ZCCHC14: variants seen among roughly 807,000 people sequenced by gnomAD.
ZCCHC14 encodes zinc finger CCHC-type containing 14, also known as zinc finger CCHC domain-containing protein 14.
ZCCHC14 carries 16 observed loss-of-function variants against 85.0 expected under a neutral mutation model. The observed-to-expected ratio is 0.19, with a 90% CI of 0.13 to 0.29. The LOEUF (loss-of-function observed/expected upper bound fraction) is 0.29. Ranked by LOEUF, ZCCHC14 falls within the 10% of genes least tolerant of loss-of-function variation. The pLI is 1.00. For missense variants in ZCCHC14, 1,303 were observed against 1,443.5 expected, an observed-to-expected ratio of 0.90 and a Z score of 1.58; for synonymous variants, 775 against 630.7, an observed-to-expected ratio of 1.23 and a Z score of -3.43.
Position 87,412,879 on chromosome 16 carries a change from G to A in ZCCHC14, c.1842C>T (p.Leu614=). 6.2e-7 allele frequency: 1 copy of A among 1,605,914 alleles called. No individual in the cohort carries two copies. Among genetic ancestry groups the A allele is most frequent in the Non-Finnish European group, 8.5e-7 (1 of 1,175,394 alleles). The change falls in exon 12 of 13, where the codon CTC becomes CTT. Residue 614 remains leucine, a synonymous_variant. Coordinates refer to ENST00000671377, the MANE Select transcript of ZCCHC14 (RefSeq NM_015144.3). Reference sequence around the variant, plus strand: ...TGGAGCTGGCCTCATTCTGCACAGGGAGAACCTGGGCCGTGGGTCTGGCGG... The same window carrying A: ...TGGAGCTGGCCTCATTCTGCACAGGAAGAACCTGGGCCGTGGGTCTGGCGG... The part of the protein sequence containing the change: ...SSSARPTAQV[L]PVQNEASSNP...
chr16:87,488,609 C>T (rs1165955495), intron 1 of ZCCHC14, among the ~76,000 whole-genome samples: 3 of 152,248 alleles, frequency 2.0e-5, no homozygotes, highest in African/African-American at 7.2e-5. Context: ...CACAGTCTCA[C>T]TCTGTCACCC....
At chr16:87,446,834 C>G (rs926890497) in intron 2 of ZCCHC14, among the ~76,000 whole-genome samples, 1 of 152,020 alleles carries the variant, frequency 6.6e-6, no homozygotes, top group Non-Finnish European at 1.5e-5. Context: ...CAGGCACACA[C>G]CACCATGCCT....
At chr16:87,437,023 T>G (rs757184947) in intron 2 of ZCCHC14, among the ~76,000 whole-genome samples, 17 of 152,094 alleles carry the variant, frequency 1.1e-4, no homozygotes, top group Non-Finnish European at 2.4e-4. Flanking sequence ...CACTGCCTTC[T>G]GTGGAGCGTA....
chr16:87,408,545 T>C lies in ZCCHC14; in HGVS notation c.*1735A>G, dbSNP rs1908302363. The C allele has an allele frequency of 6.6e-6, 1 of 152,636 alleles. No individual in the cohort carries two copies. The highest frequency in any genetic ancestry group is 6.5e-5 in the Admixed American group (1 of 15,290). The allele number at this position is 152,636 out of a possible 1,614,324, so 9.5% of individuals were successfully genotyped here. ...AACGTAACATTCCCCTAAATAGCTG[T>C]TGTAATAAGCATCACCATTACTTCA... On this transcript the variant is annotated 3_prime_UTR_variant, in exon 13 of 13. Transcript: ENST00000671377.
chr16:87,433,043 T>C, intron 3 of ZCCHC14, 85 bp downstream of exon 3: 1 of 1,370,392 alleles, frequency 7.3e-7, no homozygotes, highest in Non-Finnish European at 1.0e-6. Context: ...AGGCACAGCC[T>C]TAGCTAGGAA....
intron 2 of ZCCHC14, among the ~76,000 whole-genome samples, chr16:87,458,481 A>G (rs945922285): frequency 1.3e-5 from 2 of 152,186 alleles, no homozygotes; most frequent in Admixed American, 6.5e-5. Flanking sequence ...TCAAGTGGGG[A>G]CAGGAGCCCT....
chr16:87,469,668 G>A (rs1297162621), intron 1 of ZCCHC14, among the ~76,000 whole-genome samples: 1 of 152,200 alleles, frequency 6.6e-6, no homozygotes, highest in Non-Finnish European at 1.5e-5. Context: ...GGTGCTTGCG[G>A]TGTGGCTGGA....
chr16:87,427,939 A>ATTT (rs34933427), intron 3 of ZCCHC14, among the ~76,000 whole-genome samples: 1 of 137,134 alleles, frequency 7.3e-6, no homozygotes, highest in African/African-American at 2.7e-5. Flanking sequence ...GGCCTCTATG[A>ATTT]TTTTTTTTTT....
At chr16:87,486,546 C>G (rs563705433) in intron 1 of ZCCHC14, among the ~76,000 whole-genome samples, 1 of 152,218 alleles carries the variant, frequency 6.6e-6, no homozygotes, top group Non-Finnish European at 1.5e-5. Context: ...ACGCTTTTCT[C>G]AGAACGTATC....
Position 87,411,723 on chromosome 16 carries a change from C to T in ZCCHC14, c.2998G>A (p.Val1000Ile). ...GCAAACGTGGACTGCCCACTCAGGA[C>T]AGGGTCTGGGGTCCCGCTGCTGCTG... ...PYSSSGTPDPVLSGQSTFAVP... is the reference protein window; with the variant it reads ...PYSSSGTPDPILSGQSTFAVP... The change falls in exon 12 of 13, where the codon GTC (valine) becomes ATC (isoleucine). Residue 1000 changes from valine to isoleucine, a missense_variant. Physicochemically the swap from Val to Ile is conservative, Grantham distance 29. This residue lies in a region of ZCCHC14 where 797 missense variants were observed against 730.8 expected (regional missense o/e 1.09). Transcript: ENST00000671377. 4.3e-6 allele frequency: 7 copies of T among 1,614,060 alleles called. No individual in the cohort carries two copies. The highest frequency in any genetic ancestry group is 5.9e-6 in the Non-Finnish European group (7 of 1,180,026).
In ZCCHC14 at chr16:87,411,616, G is replaced by A. The variant is rs775772562; in HGVS notation, c.3105C>T (p.Ser1035=). The A allele has an allele frequency of 2.5e-6, 4 of 1,613,952 alleles. No homozygotes were observed. Among genetic ancestry groups the A allele is most frequent in the African/African-American group, 1.3e-5 (1 of 75,046 alleles). The change falls in exon 12 of 13, where the codon TCC becomes TCT. Residue 1035 remains serine, a synonymous_variant. Transcript: ENST00000671377. ...ATAGGTTCCCGCTCTTTTTGTGACT[G>A]GAACCATTGCTACTGCCCACCAGTC... ...TQGLVGSSNG[S]SHKKSGNLSC...
At chr16:87,466,495 G>A (rs116599979) in intron 1 of ZCCHC14, among the ~76,000 whole-genome samples, 2,591 of 152,304 alleles carry the variant, frequency 0.017, 95 homozygotes, top group African/African-American at 0.059. Context: ...CTGGCAGTTC[G>A]ATGACACCTA....
At chr16:87,481,115 G>A (rs771134774) in intron 1 of ZCCHC14, among the ~76,000 whole-genome samples, 6 of 152,136 alleles carry the variant, frequency 3.9e-5, no homozygotes, top group Non-Finnish European at 7.4e-5. Flanking sequence ...TATGGAGGCA[G>A]ACCCAGGCCA....
chr16:87,466,487 G>A (rs117629922), intron 1 of ZCCHC14, among the ~76,000 whole-genome samples: 7 of 152,266 alleles, frequency 4.6e-5, no homozygotes, highest in Non-Finnish European at 1.0e-4. Flanking sequence ...CGACCTCTCT[G>A]GCAGTTCGAT....
intron 2 of ZCCHC14, among the ~76,000 whole-genome samples, chr16:87,450,014 T>G (rs1038095616): frequency 3.9e-5 from 6 of 152,234 alleles, no homozygotes; most frequent in Non-Finnish European, 7.3e-5. Context: ...GGCACTGCAC[T>G]GCAGCCTGGG....
chr16:87,407,631 A>C lies in ZCCHC14; in HGVS notation c.*2649T>G, dbSNP rs936861691. ...AGGGTTAGAAACTTTAATATCTGAC[A>C]GACTACAAAGGGCAAAGACGTGGCA... On this transcript the variant is annotated 3_prime_UTR_variant, in exon 13 of 13. Coordinates refer to ENST00000671377, the MANE Select transcript of ZCCHC14 (RefSeq NM_015144.3). 2 of 152,258 alleles carry C rather than the reference A, an allele frequency of 1.3e-5. No individual in the cohort carries two copies. Among genetic ancestry groups the C allele is most frequent in the African/African-American group, 4.8e-5 (2 of 41,468 alleles). The allele number at this position is 152,258 out of a possible 1,614,324, so 9.4% of individuals were successfully genotyped here.
At position 87,408,805 on chromosome 16, in the gene ZCCHC14, G is replaced by A. The variant is rs555791155; in HGVS notation, c.*1475C>T. ...CTGATTTACATCAATTTTTCATGAG[G>A]CTGATTGTCCCATTTTAAGAATAGT... On this transcript the variant is annotated 3_prime_UTR_variant, in exon 13 of 13. Transcript: ENST00000671377. The A allele has an allele frequency of 6.6e-6, 1 of 152,436 alleles. No homozygotes were observed. Among genetic ancestry groups the A allele is most frequent in the African/African-American group, 2.4e-5 (1 of 41,522 alleles). The allele number at this position is 152,436 out of a possible 1,614,324, so 9.4% of individuals were successfully genotyped here.
intron 1 of ZCCHC14, among the ~76,000 whole-genome samples, chr16:87,460,710 A>C (rs1296908609): frequency 1.3e-5 from 2 of 152,136 alleles, no homozygotes; most frequent in Non-Finnish European, 2.9e-5. Flanking sequence ...AAAAGGAACT[A>C]TGTTAGCCAA....
chr16:87,481,090 G>T (rs915606889), intron 1 of ZCCHC14, among the ~76,000 whole-genome samples: 1 of 152,186 alleles, frequency 6.6e-6, no homozygotes, highest in African/African-American at 2.4e-5. Context: ...GGGGGCCAGT[G>T]ACACCAGAGG....
Sources: gnomAD v4.1 joint callset for allele counts (sites outside exome capture counted in the v4.1 genomes callset) on GRCh38, gnomAD v4.1.1 for gene constraint, gnomAD v4.1.1 regional missense constraint, MANE v1.5 for transcripts, NCBI Gene and HGNC (gene_info 2026-07-23, HGNC 2026-07-21) for gene names.